The following KANSL1 variants were observed in gnomAD, a reference collection of about 807,000 sequenced individuals.
KANSL1 encodes the protein KAT8 regulatory NSL complex subunit 1.
A neutral mutation model predicts 103.6 loss-of-function variants in KANSL1; 22 were observed. The observed-to-expected ratio is 0.21, with a 90% confidence interval of 0.15 to 0.30. The LOEUF is 0.30. KANSL1 is among the 10% of genes least tolerant of loss of function. The pLI is 1.00. For synonymous variants in KANSL1, 600 were observed against 527.6 expected (o/e 1.14, Z -1.88); for missense variants, 1,337 against 1,399.8 (o/e 0.96, Z 0.72).
intron 2 of KANSL1, among the ~76,000 whole-genome samples, chr17:46,102,983 T>A (rs2042384170): frequency 6.6e-6 from 1 of 152,142 alleles, no homozygotes. Context: ...ATGCACAAAC[T>A]GGTAGGGCTT....
chr17:46,031,309 A>G lies in KANSL1; in HGVS notation c.*167T>C, dbSNP rs913401170. The G allele has an allele frequency of 1.4e-6, 1 of 715,486 alleles. No homozygotes were observed. Among genetic ancestry groups the G allele is most frequent in the African/African-American group, 1.8e-5 (1 of 55,936 alleles). The allele number at this position is 715,486 out of a possible 1,614,324, so 44.3% of individuals were successfully genotyped here. A position where few individuals can be genotyped will look rare whatever the true frequency, so the allele number is the denominator to read the frequency against. The stretch of plus-strand genomic sequence containing the variant: ...AAGAAAACATGGAAACAAAAACAAA[A>G]CAAAAATTAAAACAAGAAAAAAAAA... On this transcript the variant is annotated 3_prime_UTR_variant, in exon 15 of 15. Transcript: ENST00000432791.
chr17:46,118,125 G>A (rs1264411217), intron 2 of KANSL1, among the ~76,000 whole-genome samples: 2 of 152,148 alleles, frequency 1.3e-5, no homozygotes, highest in Non-Finnish European at 1.5e-5. Flanking sequence ...GTGATATGAA[G>A]CAAGCTTTAC....
At chr17:46,190,743 T>C (rs941338936) in intron 1 of KANSL1, among the ~76,000 whole-genome samples, 1 of 152,240 alleles carries the variant, frequency 6.6e-6, no homozygotes, top group Non-Finnish European at 1.5e-5. Flanking sequence ...TACTAACAAA[T>C]ACACCAAATA....
At chr17:46,049,161 AATAC>A (rs2077618261) in intron 7 of KANSL1, among the ~76,000 whole-genome samples, 1 of 151,550 alleles carries the variant, frequency 6.6e-6, no homozygotes, top group Non-Finnish European at 1.5e-5. Context: ...TTTTTTGCTT[AATAC>A]CTGGGAGATT....
At chr17:46,219,851 C>T (rs1414017557) in intron 1 of KANSL1, among the ~76,000 whole-genome samples, 1 of 152,232 alleles carries the variant, frequency 6.6e-6, no homozygotes, top group Non-Finnish European at 1.5e-5. Context: ...CGCCTGTAAT[C>T]CCAGCACTTT....
At chr17:46,047,987 G>A (rs1202955666) in intron 7 of KANSL1, among the ~76,000 whole-genome samples, 2 of 151,306 alleles carry the variant, frequency 1.3e-5, no homozygotes, top group African/African-American at 2.4e-5. Context: ...GGCTCACTGC[G>A]GCCAAGACTT....
In KANSL1 at chr17:46,039,093, G is replaced by A. The variant is rs1452643092; in HGVS notation, c.2326C>T (p.Pro776Ser). The change falls in exon 9 of 15, where the codon CCA becomes TCA. Residue 776 changes from proline (P) to serine (S), a missense_variant. Pro to Ser is a moderately conservative substitution (Grantham distance 74). Around this residue, in one of 2 missense-constraint regions of KANSL1, gnomAD observed 780 missense variants for 923.4 expected, o/e 0.84. Coordinates refer to ENST00000432791, the MANE Select transcript of KANSL1 (RefSeq NM_015443.4). ...PKAERLLNPP[P>S]PVHDPNHSKM... ...CTGTGGTTTGGGTCATGCACGGGTG[G>A]TGGTGGGTTGAGCAAGCGCTCTGCT... is the stretch of plus-strand genomic sequence containing the variant. 1.2e-6 allele frequency: 2 copies of A among 1,612,330 alleles called. No homozygotes were observed. Among genetic ancestry groups the A allele is most frequent in the Non-Finnish European group, 1.7e-6 (2 of 1,179,772 alleles).
intron 7 of KANSL1, 163 bp downstream of exon 7, chr17:46,050,369 TG>T: frequency 1.6e-6 from 1 of 631,584 alleles, no homozygotes; most frequent in Non-Finnish European, 2.7e-6. Flanking sequence ...TCTGGTTTGG[TG>T]GATCTGTTAC....
chr17:46,035,343 C>G (rs1281840650), intron 10 of KANSL1: 1 of 152,224 alleles, frequency 6.6e-6, no homozygotes, highest in African/African-American at 2.4e-5. Context: ...TATAACTAAC[C>G]CCTCTATCCT....
intron 2 of KANSL1, among the ~76,000 whole-genome samples, chr17:46,159,564 T>C (rs1252904805): frequency 6.6e-6 from 1 of 152,238 alleles, no homozygotes; most frequent in African/African-American, 2.4e-5. Flanking sequence ...TCTTTCAATA[T>C]CCTTTCAAGT....
At chr17:46,193,695 C>G (rs2047488992), upstream of KANSL1, 1 of 287,680 alleles carries the variant, frequency 3.5e-6, no homozygotes, top group Admixed American at 4.4e-5. Context: ...GGCGACGGCA[C>G]GCAGCACTGC....
At chr17:46,190,343 T>G (rs1042850315) in intron 1 of KANSL1, among the ~76,000 whole-genome samples, 6 of 152,252 alleles carry the variant, frequency 3.9e-5, no homozygotes, top group Non-Finnish European at 8.8e-5. Context: ...CTCTGCAGGT[T>G]TAACCAGAGA....
At chr17:46,152,790 G>C (rs2045192861) in intron 2 of KANSL1, 1 of 152,218 alleles carries the variant, frequency 6.6e-6, no homozygotes, top group African/African-American at 2.4e-5. Flanking sequence ...TTTAAAAAAG[G>C]GATTAGCAAG....
chr17:46,171,034 A>T lies in KANSL1; in HGVS notation c.1110T>A (p.Phe370Leu). Residue 370 changes from phenylalanine to leucine, a missense_variant, in exon 2 of 15, where the codon TTT (phenylalanine) becomes TTA (leucine). Phe to Leu is a conservative substitution (Grantham distance 22). Transcript: ENST00000432791. ...ETTTSEGLSNFLKSNSISEEL... is the reference protein window; with the variant it reads ...ETTTSEGLSNLLKSNSISEEL... ...CTTCTGAAATTGAATTGCTTTTCAG[A>T]AAGTTGCTAAGTCCCTCTGAAGTGG... The T allele has an allele frequency of 6.2e-7, 1 of 1,614,210 alleles. No individual in the cohort carries two copies. Among genetic ancestry groups the T allele is most frequent in the Non-Finnish European group, 8.5e-7 (1 of 1,180,056 alleles).
chr17:46,167,358 T>G (rs1222431555), intron 2 of KANSL1, among the ~76,000 whole-genome samples: 1 of 152,208 alleles, frequency 6.6e-6, no homozygotes, highest in African/African-American at 2.4e-5. Flanking sequence ...TACATACATA[T>G]GATAATTAAA....
chr17:46,099,095 A>G (rs1302701931), intron 2 of KANSL1, among the ~76,000 whole-genome samples: 2 of 147,128 alleles, frequency 1.4e-5, no homozygotes, highest in Non-Finnish European at 3.1e-5. Flanking sequence ...AGGCCGAGGC[A>G]GGCGGATCAC....
intron 2 of KANSL1, among the ~76,000 whole-genome samples, chr17:46,167,030 C>T (rs1407494533): frequency 6.9e-5 from 10 of 145,824 alleles, no homozygotes; most frequent in Non-Finnish European, 9.0e-5. Flanking sequence ...AAAAAAATTT[C>T]GGGGACAGAG....
At position 46,064,063 on chromosome 17, in the gene KANSL1, A is replaced by C. The variant is rs545205258; in HGVS notation, c.1848+2474T>G. Reference sequence around the variant, plus strand: ...ATATACGACTATTAGTAAAAAAAAAAAAAAAAAACAAAAAAAAACTGAGAC... The same window carrying C: ...ATATACGACTATTAGTAAAAAAAAACAAAAAAAACAAAAAAAAACTGAGAC... On this transcript the variant is annotated intron_variant, in intron 6 of 14. Transcript: ENST00000432791. Among the ~76,000 whole-genome samples the C allele has an allele frequency of 9.3e-5, 12 of 128,670 alleles. No individual in the cohort carries two copies. The East Asian group carries it at 1.3e-3, about 14-fold the overall frequency. The allele number at this position is 128,670 out of a possible 152,430, so 84.4% of individuals were successfully genotyped here. A position where few individuals can be genotyped will look rare whatever the true frequency, so the allele number is the denominator to read the frequency against.
chr17:46,079,929 G>A (rs1289692889), intron 4 of KANSL1, among the ~76,000 whole-genome samples: 1 of 151,846 alleles, frequency 6.6e-6, no homozygotes, highest in Non-Finnish European at 1.5e-5. Context: ...GTGAGCCAAG[G>A]TCGCACCACT....
Sources: allele counts gnomAD v4.1 joint callset (sites outside exome capture counted in the v4.1 genomes callset), GRCh38; gene constraint gnomAD v4.1.1; regional missense constraint gnomAD v4.1.1; transcripts MANE v1.5; gene names NCBI Gene and HGNC (gene_info 2026-07-23, HGNC 2026-07-21).